Variants in RNASEH1 observed in about 807,000 individuals in gnomAD.
The protein encoded by RNASEH1 is ribonuclease H type II.
RNASEH1 carries 27 observed loss-of-function variants against 34.6 expected under a neutral mutation model. The observed-to-expected ratio is 0.78, with a 90% CI of 0.58 to 1.08. RNASEH1 has a LOEUF of 1.08. Among genes scored for constraint, RNASEH1 ranks in the 50% least tolerant of loss-of-function variants. The pLI is 0.00. For missense variants in RNASEH1, 349 were observed against 373.6 expected, an observed-to-expected ratio of 0.93 and a Z score of 0.54; for synonymous variants, 162 against 138.4, an observed-to-expected ratio of 1.17 and a Z score of -1.20.
At chr2:3,532,431 C>A in the RNASEH1 span, 2 of 690,452 alleles carry the variant, frequency 2.9e-6, no homozygotes, top group South Asian at 3.0e-5. Context: ...GCTGAACTCC[C>A]AAGGGGCCCC....
Position 3,542,815 on chromosome 2 carries a change from G to T in RNASEH1, c.*2970C>A, listed in dbSNP as rs1217675397. On this transcript the variant is annotated 3_prime_UTR_variant, in exon 8 of 8. Transcript: ENST00000315212. ...GGCTATGTAAAGGCCCCAGGACCCTGAATTTGTATTGGGAATATCAATATA... is the reference window on the plus strand; with the variant it reads ...GGCTATGTAAAGGCCCCAGGACCCTTAATTTGTATTGGGAATATCAATATA... Among the ~76,000 whole-genome samples the T allele has an allele frequency of 6.6e-6, 1 of 152,128 alleles. No individual in the cohort carries two copies. The highest frequency in any genetic ancestry group is 1.5e-5 in the Non-Finnish European group (1 of 68,024).
At chr2:3,541,285 C>T (rs1051372174), downstream of RNASEH1, among the ~76,000 whole-genome samples, 7 of 150,686 alleles carry the variant, frequency 4.6e-5, no homozygotes, top group Non-Finnish European at 1.0e-4. Context: ...GCCAAGATCA[C>T]GCCACTGCAC....
intron 4 of RNASEH1, 101 bp downstream of exon 4, chr2:3,550,272 T>C (rs989975039): frequency 2.1e-6 from 2 of 963,790 alleles, no homozygotes; most frequent in Non-Finnish European, 3.3e-6. Context: ...GAGCTACTTA[T>C]CTGCAGGTTT....
intron 7 of RNASEH1, among the ~76,000 whole-genome samples, chr2:3,546,371 T>A (rs1668751221): frequency 6.6e-6 from 1 of 152,090 alleles, no homozygotes; most frequent in Non-Finnish European, 1.5e-5. Flanking sequence ...GCAGTGTAAT[T>A]TGTTCTCTAT....
rs1668524464 is a variant in RNASEH1 at position 3,543,993 on chromosome 2, T to TA, written c.*1791dup. On this transcript the variant is annotated 3_prime_UTR_variant, in exon 8 of 8. Transcript: ENST00000315212. ...CAACTAATGCATTATCTTAAAAACT[T>TA]AGTGTACAAGAGCAAAGAATCAAGC... Among the ~76,000 whole-genome samples the TA allele has an allele frequency of 6.6e-6, 1 of 152,168 alleles. No homozygotes were observed. Among genetic ancestry groups the TA allele is most frequent in the African/African-American group, 2.4e-5 (1 of 41,436 alleles).
the RNASEH1 span, chr2:3,533,671 C>A: frequency 6.6e-6 from 1 of 152,314 alleles, no homozygotes; most frequent in Non-Finnish European, 1.5e-5. Context: ...AAGAGCCAAA[C>A]AGAATGACCA....
chr2:3,550,223 C>T (rs1246337214), intron 4 of RNASEH1, 150 bp downstream of exon 4: 4 of 715,242 alleles, frequency 5.6e-6, no homozygotes, highest in Non-Finnish European at 1.0e-5. Context: ...CCGCTTAGCC[C>T]CAACACGAAC....
At position 3,541,902 on chromosome 2, in the gene RNASEH1, C is replaced by T. The variant is rs547061017; in HGVS notation, c.*3883G>A. ...CTTTGGTGGCTCACACCTGTAATCCCAGCACTTTGGGAGGCCAAGGAAGGA... is the reference window on the plus strand; with the variant it reads ...CTTTGGTGGCTCACACCTGTAATCCTAGCACTTTGGGAGGCCAAGGAAGGA... On this transcript the variant is annotated 3_prime_UTR_variant, in exon 8 of 8. Transcript: ENST00000315212. 7.9e-5 allele frequency among the ~76,000 whole-genome samples: 12 copies of T among 152,322 alleles called. No individual in the cohort carries two copies. The East Asian group carries it at 1.9e-3, about 24-fold the overall frequency.
intron 2 of RNASEH1, among the ~76,000 whole-genome samples, chr2:3,555,060 T>C (rs1165358265): frequency 2.0e-5 from 3 of 152,150 alleles, no homozygotes; most frequent in Admixed American, 2.0e-4. Flanking sequence ...TACACACAAA[T>C]AACAATGTTA....
At chr2:3,556,674 C>T in intron 2 of RNASEH1, 115 bp downstream of exon 2, 1 of 656,248 alleles carries the variant, frequency 1.5e-6, no homozygotes, top group Non-Finnish European at 2.7e-6. Context: ...AAAATGAAAA[C>T]AATCACACGA....
the RNASEH1 span, chr2:3,532,067 CA>C: frequency 1.7e-6 from 1 of 579,274 alleles, no homozygotes; most frequent in South Asian, 2.1e-5. Context: ...ATCCCCTTGA[CA>C]AAGAGATAAG....
chr2:3,538,600 C>T (rs903999847), downstream of RNASEH1, among the ~76,000 whole-genome samples: 5 of 152,150 alleles, frequency 3.3e-5, no homozygotes, highest in African/African-American at 1.2e-4. Flanking sequence ...ACCTTCTGGT[C>T]TGTGGGTACT....
rs778489518 is a variant in RNASEH1, at chr2:3,549,017, A to T, written c.564+41T>A. On this transcript the variant is annotated intron_variant, in intron 5 of 7. Transcript: ENST00000315212. The stretch of plus-strand genomic sequence containing the variant: ...AGTTTATTTGATAATTTCATACTCA[A>T]TGCTCAAAAAAGAGAGGCTTAAACG... 13 of 1,476,768 alleles carry T rather than the reference A, an allele frequency of 8.8e-6. No homozygotes were observed. In the African/African-American group the frequency reaches 1.7e-4, roughly 19 times the overall value. 91.5% of individuals were successfully genotyped at this position (1,476,768 alleles called of 1,614,324 possible).
rs536393023 is a variant in RNASEH1 at position 3,542,881 on chromosome 2, G to GT, written c.*2903dup. On this transcript the variant is annotated 3_prime_UTR_variant, in exon 8 of 8. Transcript: ENST00000315212. Reference sequence around the variant, plus strand: ...CTTCCTTTAAATATGTGTGTGCAATGTTTGTATTTTTTTAAAGCTCCGTCC... The same window carrying GT: ...CTTCCTTTAAATATGTGTGTGCAATGTTTTGTATTTTTTTAAAGCTCCGTCC... Among the ~76,000 whole-genome samples, 17 of 152,238 alleles carry GT rather than the reference G, an allele frequency of 1.1e-4. No homozygotes were observed. In the East Asian group the frequency reaches 3.3e-3, roughly 29 times the overall value.
intron 2 of RNASEH1, among the ~76,000 whole-genome samples, chr2:3,555,015 TC>T (rs1284972216): frequency 6.6e-6 from 1 of 152,162 alleles, no homozygotes; most frequent in African/African-American, 2.4e-5. Context: ...AGTGGTCCGT[TC>T]CCAAAACTAA....
chr2:3,552,296 T>C lies in RNASEH1; in HGVS notation c.257A>G (p.Gln86Arg). 1 of 1,613,386 alleles carries C rather than the reference T, an allele frequency of 6.2e-7. No homozygotes were observed. The highest frequency in any genetic ancestry group is 8.5e-7 in the Non-Finnish European group (1 of 1,179,842). The change falls in exon 3 of 8, where the codon CAA (glutamine) becomes CGA (arginine). Residue 86 changes from glutamine (Q) to arginine (R), a missense_variant. Physicochemically the swap from Gln to Arg is conservative, Grantham distance 43. Around this residue, in one of 2 missense-constraint regions of RNASEH1, gnomAD observed 256 missense variants for 240.7 expected, o/e 1.06. Coordinates refer to ENST00000315212, the MANE Select transcript of RNASEH1 (RefSeq NM_002936.6). Reference protein sequence around the residue: ...SPEVSEGHENQHGQESEAKAS... With the variant: ...SPEVSEGHENRHGQESEAKAS... ...TTTCGCCTCCGATTCTTGTCCATGT[T>C]GATTTTCATGCCCTGAAAGACAAGA...
At position 3,551,652 on chromosome 2, in the gene RNASEH1, G is replaced by T. The variant is rs969345056; in HGVS notation, c.409+492C>A. The stretch of plus-strand genomic sequence containing the variant: ...TGCTCATATGTGTAAAAGACACAAA[G>T]GAGAATTCTATTCTGTGAGTCACTA... On this transcript the variant is annotated intron_variant, in intron 3 of 7. Transcript: ENST00000315212. Among the ~76,000 whole-genome samples, 6 of 152,204 alleles carry T rather than the reference G, an allele frequency of 3.9e-5. No homozygotes were observed. In the South Asian group the frequency reaches 1.0e-3, roughly 26 times the overall value.
At chr2:3,550,184 T>C in intron 4 of RNASEH1, 189 bp downstream of exon 4, 1 of 529,782 alleles carries the variant, frequency 1.9e-6, no homozygotes, top group Non-Finnish European at 3.4e-6. Flanking sequence ...GAAGTAAAGC[T>C]GAGGTACCTC....
In RNASEH1 at chr2:3,548,033, A is replaced by G. The variant is rs1460864817; in HGVS notation, c.672T>C (p.Gly224=). 1 of 1,613,868 alleles carries G rather than the reference A, an allele frequency of 6.2e-7. No individual in the cohort carries two copies. The highest frequency in any genetic ancestry group is 2.2e-5 in the East Asian group (1 of 44,858). ...TINGITNWVQ[G]WKKNGWKTSA... ...TTGTCTTCCACCCATTTTTCTTCCA[A>G]CCTTGAACCCAGTTAGTTATACCTA... The change falls in exon 7 of 8, where the codon GGT becomes GGC. Residue 224 remains glycine (G), a synonymous_variant. Transcript: ENST00000315212.
Sources: gnomAD v4.1 joint callset for allele counts (sites outside exome capture counted in the v4.1 genomes callset) on GRCh38, gnomAD v4.1.1 for gene constraint, gnomAD v4.1.1 regional missense constraint, MANE v1.5 for transcripts, NCBI Gene and HGNC (gene_info 2026-07-23, HGNC 2026-07-21) for gene names.